FOXJ2: variants seen among roughly 807,000 people sequenced by gnomAD.
The protein encoded by FOXJ2 is forkhead box protein J2.
Under a neutral mutation model 68.4 loss-of-function variants are expected in FOXJ2, and 18 were observed. That is an observed-to-expected ratio of 0.26 (90% CI 0.18 to 0.39). FOXJ2 has a LOEUF of 0.39. FOXJ2 is among the 10% of genes least tolerant of loss of function. The probability of loss-of-function intolerance (pLI) is 1.00; values close to 1 mark genes in which losing one functional copy is unlikely to be tolerated. For synonymous variants in FOXJ2, 274 were observed against 263.2 expected, an observed-to-expected ratio of 1.04 and a Z score of -0.40; for missense variants, 670 against 726.5, an observed-to-expected ratio of 0.92 and a Z score of 0.89.
intron 2 of FOXJ2, among the ~76,000 whole-genome samples, chr12:8,041,961 A>T (rs112514784): frequency 6.0e-5 from 9 of 150,018 alleles, no homozygotes; most frequent in African/African-American, 2.2e-4. Context: ...CACTGCCACC[A>T]CTGCCTCCTG....
chr12:8,044,504 T>C (rs891855774), intron 5 of FOXJ2, among the ~76,000 whole-genome samples: 8 of 151,640 alleles, frequency 5.3e-5, no homozygotes, highest in African/African-American at 1.9e-4. Context: ...ACCGGGGAGG[T>C]GGAGCCTGGG....
At chr12:8,052,557 G>A (rs113064183) in intron 10 of FOXJ2, among the ~76,000 whole-genome samples, 292 of 152,310 alleles carry the variant, frequency 1.9e-3, no homozygotes, top group African/African-American at 6.6e-3. Flanking sequence ...ATATTTAATT[G>A]CTGTGGAATG....
rs1333793076 is a variant in FOXJ2, at chr12:8,035,333, C to G, written c.-15+1500C>G. 6.6e-6 allele frequency among the ~76,000 whole-genome samples: 1 copy of G among 152,146 alleles called. No homozygotes were observed. Among genetic ancestry groups the G allele is most frequent in the African/African-American group, 2.4e-5 (1 of 41,424 alleles). On this transcript the variant is annotated intron_variant, in intron 1 of 10. Transcript: ENST00000162391. This position sits in a 1 kb window ranked among gnomAD's most constrained non-coding sequence, Gnocchi z 4.0. ...GATAGGTGGTGGTAAGGATGGCCAC[C>G]TGAGGGGAAAGGCTTGGCCTCCCCC...
chr12:8,049,305 T>A, intron 8 of FOXJ2, 57 bp from the exon 9 acceptor site: 1 of 1,437,952 alleles, frequency 7.0e-7, no homozygotes, highest in Non-Finnish European at 9.6e-7. Context: ...TAGGGCGGGG[T>A]CTGATAGGGG....
chr12:8,041,300 C>T lies in FOXJ2; in HGVS notation c.333+1135C>T, dbSNP rs746576277. Among the ~76,000 whole-genome samples, 317 of 151,958 alleles carry T rather than the reference C, an allele frequency of 2.1e-3. 2 individuals carry two copies. Among genetic ancestry groups the T allele is most frequent in the African/African-American group, 7.4e-3 (307 of 41,454 alleles). ...CACCATAACCTCCGCCTCCTGGGTT[C>T]AAGCAATCCTCCTGCCTCAGCCTCC... On this transcript the variant is annotated intron_variant, in intron 2 of 10. Coordinates refer to ENST00000162391, the MANE Select transcript of FOXJ2 (RefSeq NM_018416.3).
At position 8,032,734 on chromosome 12, in the gene FOXJ2, G is replaced by A. The variant is rs369074834; in HGVS notation, c.-1114G>A. The A allele has an allele frequency of 5.1e-6, 2 of 394,842 alleles. No individual in the cohort carries two copies. The highest frequency in any genetic ancestry group is 4.4e-5 in the Admixed American group (1 of 22,572). The allele number at this position is 394,842 out of a possible 1,614,324, so 24.5% of individuals were successfully genotyped here. On this transcript the variant is annotated 5_prime_UTR_variant, in exon 1 of 11. Coordinates refer to ENST00000162391, the MANE Select transcript of FOXJ2 (RefSeq NM_018416.3). This position sits in a 1 kb window ranked among gnomAD's most constrained non-coding sequence, Gnocchi z 4.8. ...GGGGCCTGCAGCGGAGCCGAGCCGA[G>A]CCCGAGCCCGCGCCGAGCCCTGACA...
At chr12:8,046,326 T>C (rs1304890266) in intron 6 of FOXJ2, among the ~76,000 whole-genome samples, 2 of 152,184 alleles carry the variant, frequency 1.3e-5, no homozygotes, top group Non-Finnish European at 2.9e-5. Context: ...AAAAATATAA[T>C]AAACCCCTGT....
rs1204710645 is a variant in FOXJ2 at position 8,043,766 on chromosome 12, T to C, written c.474T>C (p.Asp158=). Residue 158 remains aspartate (D), a synonymous_variant, in exon 4 of 11, where the codon GAT becomes GAC. Coordinates refer to ENST00000162391, the MANE Select transcript of FOXJ2 (RefSeq NM_018416.3). ...ISRKRRHPPD[D]DLSQDSPEQE... ...GAAAGAGAAGACACCCTCCAGATGA[T>C]GATGTAAGTTCCCAGCTCATGAGGA... is the stretch of plus-strand genomic sequence containing the variant. The C allele has an allele frequency of 1.9e-6, 3 of 1,614,010 alleles. No homozygotes were observed. Among genetic ancestry groups the C allele is most frequent in the Non-Finnish European group, 2.5e-6 (3 of 1,180,014 alleles).
rs1053267665 is a variant in FOXJ2, at chr12:8,037,099, A to G, written c.-14-2720A>G. Among the ~76,000 whole-genome samples, 13 of 152,086 alleles carry G rather than the reference A, an allele frequency of 8.5e-5. 1 individual carries two copies. Among genetic ancestry groups the G allele is most frequent in the Middle Eastern group, 3.2e-3 (1 of 316 alleles). ...GCAAGGCTTCGTCTCCAAAAAGACA[A>G]AACAAAACAAAACAAAAACAAAAAA... On this transcript the variant is annotated intron_variant, in intron 1 of 10. Coordinates refer to ENST00000162391, the MANE Select transcript of FOXJ2 (RefSeq NM_018416.3).
chr12:8,050,436 CA>C, intron 9 of FOXJ2, 85 bp from the exon 10 acceptor site: 3 of 1,532,502 alleles, frequency 2.0e-6, no homozygotes, highest in Non-Finnish European at 2.6e-6. Context: ...AGGATGGGAG[CA>C]AGGGTATATT....
In FOXJ2 at chr12:8,054,066, T is replaced by C. The variant is rs1229952198; in HGVS notation, c.*1216T>C. ...GCAAAGAAATGGATAGGGAATATTTTAGTTCTTTAAATATATAGGCAGATG... is the reference window on the plus strand; with the variant it reads ...GCAAAGAAATGGATAGGGAATATTTCAGTTCTTTAAATATATAGGCAGATG... On this transcript the variant is annotated 3_prime_UTR_variant, in exon 11 of 11. Transcript: ENST00000162391. The C allele has an allele frequency of 6.6e-6, 1 of 152,204 alleles. No homozygotes were observed. Among genetic ancestry groups the C allele is most frequent in the Non-Finnish European group, 1.5e-5 (1 of 68,038 alleles). 9.4% of individuals were successfully genotyped at this position (152,204 alleles called of 1,614,324 possible). A position where few individuals can be genotyped will look rare whatever the true frequency, so the allele number is the denominator to read the frequency against.
At chr12:8,034,810 C>G (rs1348693718) in intron 1 of FOXJ2, among the ~76,000 whole-genome samples, 2 of 152,212 alleles carry the variant, frequency 1.3e-5, no homozygotes, top group Non-Finnish European at 2.9e-5. Context: ...TTAAAGTTTT[C>G]CTTCATAAGC....
rs563766679 is a variant in FOXJ2, at chr12:8,035,603, G to A, written c.-15+1770G>A. ...ATAAAGTACTTCACCAGATGCTGGCGTGCACCTGCCTGAATGGCTCAGGGT... is the reference window on the plus strand; with the variant it reads ...ATAAAGTACTTCACCAGATGCTGGCATGCACCTGCCTGAATGGCTCAGGGT... On this transcript the variant is annotated intron_variant, in intron 1 of 10. Transcript: ENST00000162391. The surrounding 1 kb of genome is among the most constrained non-coding windows in gnomAD (Gnocchi z 4.0). 3.9e-5 allele frequency among the ~76,000 whole-genome samples: 6 copies of A among 152,128 alleles called. No individual in the cohort carries two copies. The highest frequency in any genetic ancestry group is 7.3e-5 in the Non-Finnish European group (5 of 68,038).
chr12:8,050,899 CCCCTTCCCTT>C lies in FOXJ2; in HGVS notation c.1636+285_1636+294del, dbSNP rs1159052549. ...CTTCCCCTTCCCTTCCCCTTCCCTT[CCCCTTCCCTT>C]CCCTTTCCTTCCCCTTCCCTTCCCC... On this transcript the variant is annotated intron_variant, in intron 10 of 10. Coordinates refer to ENST00000162391, the MANE Select transcript of FOXJ2 (RefSeq NM_018416.3). Among the ~76,000 whole-genome samples, 440 of 59,118 alleles carry C rather than the reference CCCCTTCCCTT, an allele frequency of 7.4e-3. 10 individuals are homozygous for C. The highest frequency in any genetic ancestry group is 0.021 in the African/African-American group (419 of 20,008). The allele number at this position is 59,118 out of a possible 152,430, so 38.8% of individuals were successfully genotyped here. A position where few individuals can be genotyped will look rare whatever the true frequency, so the allele number is the denominator to read the frequency against.
At position 8,050,533 on chromosome 12, in the gene FOXJ2, G is replaced by C. The variant is rs199852019; in HGVS notation, c.1549G>C (p.Gly517Arg). The change falls in exon 10 of 11, where the codon GGG (glycine) becomes CGG (arginine). Residue 517 changes from glycine (G) to arginine (R), a missense_variant. By Grantham distance (125) the Gly-to-Arg change is moderately radical (BLOSUM62 -2). Transcript: ENST00000162391. The part of the protein sequence containing the change: ...ESAMSQVNSY[G>R]HPQAPHLYPG... ...TCTTGCTTTGGCAGTGAACTCTTAT[G>C]GGCACCCACAAGCTCCCCACCTCTA... 4.8e-5 allele frequency: 78 copies of C among 1,612,304 alleles called. No homozygotes were observed. Among genetic ancestry groups the C allele is most frequent in the Non-Finnish European group, 6.3e-5 (74 of 1,179,220 alleles).
chr12:8,040,860 G>A lies in FOXJ2; in HGVS notation c.333+695G>A, dbSNP rs1438096049. On this transcript the variant is annotated intron_variant, in intron 2 of 10. Coordinates refer to ENST00000162391, the MANE Select transcript of FOXJ2 (RefSeq NM_018416.3). The surrounding 1 kb of genome is among the most constrained non-coding windows in gnomAD (Gnocchi z 4.0). ...CCTAGAGGTAGGAGTCTAATCTAGAGCATCAGATTTCCATAGCTCCATTGC... is the reference window on the plus strand; with the variant it reads ...CCTAGAGGTAGGAGTCTAATCTAGAACATCAGATTTCCATAGCTCCATTGC... 6.6e-6 allele frequency among the ~76,000 whole-genome samples: 1 copy of A among 152,178 alleles called. No homozygotes were observed. Among genetic ancestry groups the A allele is most frequent in the Admixed American group, 6.5e-5 (1 of 15,276 alleles).
intron 1 of FOXJ2, among the ~76,000 whole-genome samples, chr12:8,036,052 T>G (rs1474108218): frequency 6.6e-6 from 1 of 152,204 alleles, no homozygotes; most frequent in Non-Finnish European, 1.5e-5. Flanking sequence ...AGTATTCTCT[T>G]TTTTCCCCAT....
chr12:8,042,478 C>G (rs759742966), intron 2 of FOXJ2, among the ~76,000 whole-genome samples, 180 bp from the exon 3 acceptor site: 1 of 152,174 alleles, frequency 6.6e-6, no homozygotes, highest in Non-Finnish European at 1.5e-5. Context: ...TTTCTTATCT[C>G]ATTGCTATTG....
At chr12:8,042,058 A>G (rs1036491996) in intron 2 of FOXJ2, among the ~76,000 whole-genome samples, 3 of 152,000 alleles carry the variant, frequency 2.0e-5, no homozygotes, top group East Asian at 1.9e-4. Flanking sequence ...TTGTATTTTT[A>G]GTAGAGACGG....
Sources: gnomAD v4.1 joint callset for allele counts (sites outside exome capture counted in the v4.1 genomes callset) on GRCh38, gnomAD v4.1.1 for gene constraint, Gnocchi (gnomAD v3.1) non-coding constraint, MANE v1.5 for transcripts, NCBI Gene and HGNC (gene_info 2026-07-23, HGNC 2026-07-21) for gene names.